The following RHOJ variants were observed in gnomAD, a reference collection of about 807,000 sequenced individuals.
The protein encoded by RHOJ is ras homolog family member J.
In RHOJ, 11 loss-of-function variants were observed where a neutral mutation model predicts 23.4. That is an observed-to-expected ratio of 0.47 (90% CI 0.30 to 0.78). The LOEUF is 0.78. Ranked by LOEUF, RHOJ falls within the 30% of genes least tolerant of loss-of-function variation. The pLI is 0.08. For missense variants in RHOJ, 254 were observed against 273.4 expected, an observed-to-expected ratio of 0.93 and a Z score of 0.50; for synonymous variants, 102 against 102.7, an observed-to-expected ratio of 0.99 and a Z score of 0.04.
intron 1 of RHOJ, among the ~76,000 whole-genome samples, chr14:63,211,295 GTT>G: frequency 6.6e-6 from 1 of 152,172 alleles, no homozygotes; most frequent in East Asian, 1.9e-4. Flanking sequence ...TTATTCATAA[GTT>G]TCTCTTTTGC....
intron 1 of RHOJ, among the ~76,000 whole-genome samples, chr14:63,255,343 G>T (rs780157518): frequency 3.3e-5 from 5 of 152,116 alleles, no homozygotes; most frequent in Non-Finnish European, 7.4e-5. Context: ...TTCCTTTGTG[G>T]AATACACTGC....
intron 4 of RHOJ, among the ~76,000 whole-genome samples, chr14:63,287,598 G>A (rs936772592): frequency 6.8e-5 from 10 of 146,358 alleles, no homozygotes; most frequent in African/African-American, 1.8e-4. Flanking sequence ...TAGTCATTAC[G>A]GTTTTTTTTT....
At position 63,284,328 on chromosome 14, in the gene RHOJ, T is replaced by A. The variant is rs952550773; in HGVS notation, c.498+1112T>A. On this transcript the variant is annotated intron_variant, in intron 4 of 4. Coordinates refer to ENST00000316754, the MANE Select transcript of RHOJ (RefSeq NM_020663.5). ...ATCGAGATACTGAACTCTTCCTACT[T>A]CTATGCACAGTAATGTCAATACTAA... 6 of 985,220 alleles carry A rather than the reference T, an allele frequency of 6.1e-6. No homozygotes were observed. The African/African-American group carries it at 1.0e-4, about 17-fold the overall frequency. 61.0% of individuals were successfully genotyped at this position (985,220 alleles called of 1,614,324 possible). A position where few individuals can be genotyped will look rare whatever the true frequency, so the allele number is the denominator to read the frequency against.
At chr14:63,207,145 C>T (rs1894129593) in intron 1 of RHOJ, among the ~76,000 whole-genome samples, 1 of 151,906 alleles carries the variant, frequency 6.6e-6, no homozygotes, top group Admixed American at 6.5e-5. Context: ...GATTCTCCTG[C>T]CTCAGCCTCC....
At chr14:63,264,358 T>C (rs771019835) in intron 1 of RHOJ, among the ~76,000 whole-genome samples, 3 of 152,244 alleles carry the variant, frequency 2.0e-5, no homozygotes, top group Non-Finnish European at 4.4e-5. Flanking sequence ...TTTTATTCTT[T>C]TTATGGCTAC....
At chr14:63,263,425 C>T (rs1895308325) in intron 1 of RHOJ, among the ~76,000 whole-genome samples, 1 of 152,204 alleles carries the variant, frequency 6.6e-6, no homozygotes. Context: ...GTATAACCCT[C>T]AATGTTTGAT....
intron 1 of RHOJ, among the ~76,000 whole-genome samples, chr14:63,230,883 C>G (rs1181788241): frequency 7.2e-6 from 1 of 139,532 alleles, no homozygotes; most frequent in East Asian, 2.2e-4. Context: ...CTCTGTCGCC[C>G]AGGCTGGAGT....
intron 2 of RHOJ, among the ~76,000 whole-genome samples, chr14:63,280,466 C>A (rs1309958176): frequency 6.6e-6 from 1 of 152,196 alleles, no homozygotes; most frequent in East Asian, 1.9e-4. Flanking sequence ...TAATATACAG[C>A]ATGATAACTA....
intron 1 of RHOJ, among the ~76,000 whole-genome samples, chr14:63,257,409 T>C (rs1895189387): frequency 6.7e-6 from 1 of 149,948 alleles, no homozygotes; most frequent in African/African-American, 2.5e-5. Flanking sequence ...CATTTGGGTT[T>C]TCCCAGATGA....
At chr14:63,228,671 T>C (rs1594756773) in intron 1 of RHOJ, among the ~76,000 whole-genome samples, 1 of 149,932 alleles carries the variant, frequency 6.7e-6, no homozygotes, top group African/African-American at 2.4e-5. Context: ...ACAATTGCAA[T>C]GCACACACAC....
intron 1 of RHOJ, 114 bp from the exon 2 acceptor site, chr14:63,268,996 A>G: frequency 1.4e-6 from 1 of 727,594 alleles, no homozygotes; most frequent in Non-Finnish European, 2.4e-6. Context: ...TGAGCGAGGC[A>G]TATGCTTCTT....
chr14:63,218,403 T>A (rs915983741), intron 1 of RHOJ, among the ~76,000 whole-genome samples: 8 of 152,322 alleles, frequency 5.3e-5, no homozygotes, highest in African/African-American at 1.9e-4. Context: ...AAGAGCATAC[T>A]TAATCTTGGC....
At chr14:63,224,300 C>T (rs1230623699) in intron 1 of RHOJ, among the ~76,000 whole-genome samples, 2 of 152,230 alleles carry the variant, frequency 1.3e-5, no homozygotes, top group Non-Finnish European at 2.9e-5. Context: ...TTCCTTCACA[C>T]ATGCATAAGC....
In RHOJ at chr14:63,223,233, G is replaced by T. The variant is rs561459259; in HGVS notation, c.178+18186G>T. On this transcript the variant is annotated intron_variant, in intron 1 of 4. Coordinates refer to ENST00000316754, the MANE Select transcript of RHOJ (RefSeq NM_020663.5). ...AGCCATCTGGACTATTGGTTCTGGT[G>T]GGACCTATTGGTCTAGGAAAGAGGT... 4.1e-3 allele frequency among the ~76,000 whole-genome samples: 626 copies of T among 152,300 alleles called. 8 individuals are homozygous for T. Among genetic ancestry groups the T allele is most frequent in the African/African-American group, 0.014 (596 of 41,562 alleles).
intron 2 of RHOJ, among the ~76,000 whole-genome samples, chr14:63,276,753 G>C (rs764201779): frequency 4.6e-5 from 7 of 152,050 alleles, no homozygotes; most frequent in Non-Finnish European, 8.8e-5. Context: ...AGCAACCCAT[G>C]GTCTTCCAAC....
chr14:63,276,787 C>A (rs751552529), intron 2 of RHOJ, among the ~76,000 whole-genome samples: 43 of 152,202 alleles, frequency 2.8e-4, no homozygotes, highest in Non-Finnish European at 5.4e-4. Flanking sequence ...AAATAGAAAT[C>A]CTTTGATAGC....
chr14:63,258,109 T>G (rs1895209089), intron 1 of RHOJ, among the ~76,000 whole-genome samples: 1 of 148,432 alleles, frequency 6.7e-6, no homozygotes, highest in Non-Finnish European at 1.5e-5. Context: ...GCGCCTGTCA[T>G]CCCAGCTACT....
At chr14:63,277,782 G>A (rs538360295) in intron 2 of RHOJ, among the ~76,000 whole-genome samples, 19 of 152,232 alleles carry the variant, frequency 1.2e-4, no homozygotes, top group Middle Eastern at 3.4e-3. Context: ...TTATAGCCTG[G>A]GAAGGAGACT....
intron 1 of RHOJ, among the ~76,000 whole-genome samples, chr14:63,212,870 T>A (rs1894268971): frequency 6.6e-6 from 1 of 152,230 alleles, no homozygotes; most frequent in Non-Finnish European, 1.5e-5. Flanking sequence ...CATAGAGTGC[T>A]ATGGACTCAG....
Sources: gnomAD v4.1 joint callset for allele counts (sites outside exome capture counted in the v4.1 genomes callset) on GRCh38, gnomAD v4.1.1 for gene constraint, MANE v1.5 for transcripts, NCBI Gene and HGNC (gene_info 2026-07-23, HGNC 2026-07-21) for gene names.